The following PTPN6 variants were observed in gnomAD, a reference collection of about 807,000 sequenced individuals.
The protein encoded by PTPN6 is tyrosine-protein phosphatase non-receptor type 6.
A neutral mutation model predicts 81.5 loss-of-function variants in PTPN6; 18 were observed. The observed-to-expected ratio is 0.22, with a 90% CI of 0.15 to 0.33. The LOEUF is 0.33. Ranked by LOEUF, PTPN6 falls within the 10% of genes least tolerant of loss-of-function variation. PTPN6 has a pLI of 1.00. For missense variants in PTPN6, 500 were observed against 794.2 expected, an observed-to-expected ratio of 0.63 and a Z score of 4.45; for synonymous variants, 301 against 310.9, an observed-to-expected ratio of 0.97 and a Z score of 0.33.
chr12:6,956,676 C>T lies in PTPN6; in HGVS notation c.1074+108C>T, dbSNP rs782427893. 198 of 1,466,180 alleles carry T rather than the reference C, an allele frequency of 1.4e-4. No individual in the cohort carries two copies. The highest frequency in any genetic ancestry group is 2.0e-4 in the Admixed American group (11 of 55,114). 90.8% of individuals were successfully genotyped at this position (1,466,180 alleles called of 1,614,324 possible). ...GAAAGGGATCTCAGGGGTGAGGGTCCGGCCCTTGTTGGGAAACTGAGGGCT... is the reference window on the plus strand; with the variant it reads ...GAAAGGGATCTCAGGGGTGAGGGTCTGGCCCTTGTTGGGAAACTGAGGGCT... On this transcript the variant is annotated intron_variant, in intron 9 of 15. Coordinates refer to ENST00000318974, the MANE Select transcript of PTPN6 (RefSeq NM_002831.6). The surrounding 1 kb of genome is among the most constrained non-coding windows in gnomAD (Gnocchi z 4.1).
rs114826802 is a variant in PTPN6, at chr12:6,952,665, G to A, written c.326+488G>A. On this transcript the variant is annotated intron_variant, in intron 3 of 15. Coordinates refer to ENST00000318974, the MANE Select transcript of PTPN6 (RefSeq NM_002831.6). This position sits in a 1 kb window ranked among gnomAD's most constrained non-coding sequence, Gnocchi z 8.1. ...ATGCCTTGTCCCAGCCGCCCCGTGG[G>A]GATGGGTCTGTCCTGTGGGGTCAAA... 1.6e-5 allele frequency: 4 copies of A among 256,332 alleles called. No homozygotes were observed. Among genetic ancestry groups the A allele is most frequent in the Non-Finnish European group, 3.1e-5 (4 of 127,680 alleles). 15.9% of individuals were successfully genotyped at this position (256,332 alleles called of 1,614,324 possible). A position where few individuals can be genotyped will look rare whatever the true frequency, so the allele number is the denominator to read the frequency against.
At chr12:6,946,739 G>C, upstream of PTPN6, 2 of 1,612,090 alleles carry the variant, frequency 1.2e-6, no homozygotes, top group Non-Finnish European at 1.7e-6. Context: ...CTGTCCCGTG[G>C]GTAAGTCCCG....
In PTPN6 at chr12:6,954,002, C is replaced by T. The variant is rs1945975517; in HGVS notation, c.327-803C>T. ...AAGGAGTTTTGTGTTTTTTCCATCACGTGGTTTCCTGTGGGGCTGGGCTTT... is the reference window on the plus strand; with the variant it reads ...AAGGAGTTTTGTGTTTTTTCCATCATGTGGTTTCCTGTGGGGCTGGGCTTT... On this transcript the variant is annotated intron_variant, in intron 3 of 15. Coordinates refer to ENST00000318974, the MANE Select transcript of PTPN6 (RefSeq NM_002831.6). The surrounding 1 kb of genome is among the most constrained non-coding windows in gnomAD (Gnocchi z 5.4). Among the ~76,000 whole-genome samples the T allele has an allele frequency of 6.6e-6, 1 of 152,164 alleles. No homozygotes were observed. The highest frequency in any genetic ancestry group is 1.5e-5 in the Non-Finnish European group (1 of 68,022).
chr12:6,957,963 G>A lies in PTPN6; in HGVS notation c.1251G>A (p.Trp417Ter). ...TCTGGCATTACCAGTACCTGAGCTGGCCCGACCATGGGGTCCCCAGTGAGC... is the reference window on the plus strand; with the variant it reads ...TCTGGCATTACCAGTACCTGAGCTGACCCGACCATGGGGTCCCCAGTGAGC... ...REIWHYQYLS[W>*]PDHGVPSEPG... The change falls in exon 11 of 16, where the codon TGG becomes TGA. Residue 417 changes from tryptophan (W) to a stop codon, truncating the protein, a stop_gained. Transcript: ENST00000318974. LOFTEE classifies it high-confidence loss of function. This position sits in a 1 kb window ranked among gnomAD's most constrained non-coding sequence, Gnocchi z 6.5. 1 of 1,613,888 alleles carries A rather than the reference G, an allele frequency of 6.2e-7. No homozygotes were observed. The highest frequency in any genetic ancestry group is 8.5e-7 in the Non-Finnish European group (1 of 1,180,038).
rs199933225 is a variant in PTPN6, at chr12:6,956,488, G to A, written c.994G>A (p.Val332Ile). 8.1e-6 allele frequency: 13 copies of A among 1,614,100 alleles called. No homozygotes were observed. Among genetic ancestry groups the A allele is most frequent in the Admixed American group, 1.7e-5 (1 of 60,032 alleles). The change falls in exon 9 of 16, where the codon GTC becomes ATC. Residue 332 changes from valine to isoleucine, a missense_variant. Val to Ile is a conservative substitution (Grantham distance 29, BLOSUM62 3). Around this residue, in one of 6 missense-constraint regions of PTPN6, gnomAD observed 226 missense variants for 364.4 expected, o/e 0.62. Coordinates refer to ENST00000318974, the MANE Select transcript of PTPN6 (RefSeq NM_002831.6). This position sits in a 1 kb window ranked among gnomAD's most constrained non-coding sequence, Gnocchi z 4.1. ...IASQGCLEATVNDFWQMAWQE... is the reference protein window; with the variant it reads ...IASQGCLEATINDFWQMAWQE... ...CAGCCAGGGTTGTCTGGAGGCCACG[G>A]TCAATGACTTCTGGCAGATGGCGTG...
Position 6,957,539 on chromosome 12 carries a change from G to A in PTPN6, c.1075-115G>A, listed in dbSNP as rs142240608. 1,797 of 1,373,488 alleles carry A rather than the reference G, an allele frequency of 1.3e-3. 17 individuals are homozygous for A. In the African/African-American group the frequency reaches 0.019, roughly 15 times the overall value. 85.1% of individuals were successfully genotyped at this position (1,373,488 alleles called of 1,614,324 possible). On this transcript the variant is annotated intron_variant, in intron 9 of 15. Coordinates refer to ENST00000318974, the MANE Select transcript of PTPN6 (RefSeq NM_002831.6). This position sits in a 1 kb window ranked among gnomAD's most constrained non-coding sequence, Gnocchi z 6.5. The stretch of plus-strand genomic sequence containing the variant: ...CTCCTGCCTCTCTGCCAGCCCATCC[G>A]TCCATCCAACAAATGTTTGGGCCGG...
chr12:6,957,906 G>A lies in PTPN6; in HGVS notation c.1207-13G>A. 1.2e-6 allele frequency: 2 copies of A among 1,614,016 alleles called. No homozygotes were observed. Among genetic ancestry groups the A allele is most frequent in the Non-Finnish European group, 8.5e-7 (1 of 1,180,018 alleles). ...AGAGAGGAGGGGGCACTGACCCTAT[G>A]TCCTCGGCTTAGGGAGACCTGATTC... On this transcript the variant is annotated splice_polypyrimidine_tract_variant and intron_variant, in intron 10 of 15. Transcript: ENST00000318974. This position sits in a 1 kb window ranked among gnomAD's most constrained non-coding sequence, Gnocchi z 6.5.
chr12:6,952,699 C>T lies in PTPN6; in HGVS notation c.326+522C>T, dbSNP rs1565580372. 2 of 198,026 alleles carry T rather than the reference C, an allele frequency of 1.0e-5. No individual in the cohort carries two copies. Among genetic ancestry groups the T allele is most frequent in the South Asian group, 1.6e-4 (2 of 12,418 alleles). The allele number at this position is 198,026 out of a possible 1,614,324, so 12.3% of individuals were successfully genotyped here. A position where few individuals can be genotyped will look rare whatever the true frequency, so the allele number is the denominator to read the frequency against. ...TGTCCTGTGGGGTCAAATAGGTCTC[C>T]GGCCCAAACAGAGATCATTGAGAGC... On this transcript the variant is annotated intron_variant, in intron 3 of 15. Transcript: ENST00000318974. This position sits in a 1 kb window ranked among gnomAD's most constrained non-coding sequence, Gnocchi z 8.1.
Position 6,956,582 on chromosome 12 carries a change from C to A in PTPN6, c.1074+14C>A, listed in dbSNP as rs782721152. On this transcript the variant is annotated intron_variant, in intron 9 of 15. Transcript: ENST00000318974. This position sits in a 1 kb window ranked among gnomAD's most constrained non-coding sequence, Gnocchi z 4.1. Reference sequence around the variant, plus strand: ...GAGAAAGGCCGGGTAGGGCGCCCCCCCTTCCCCGCATCCGCCCCCGTGCTT... The same window carrying A: ...GAGAAAGGCCGGGTAGGGCGCCCCCACTTCCCCGCATCCGCCCCCGTGCTT... 25 of 1,611,180 alleles carry A rather than the reference C, an allele frequency of 1.6e-5. No individual in the cohort carries two copies. The highest frequency in any genetic ancestry group is 4.5e-5 in the East Asian group (2 of 44,876).
chr12:6,951,637 G>T lies in PTPN6; in HGVS notation c.37G>T (p.Asp13Tyr). The change falls in exon 2 of 16, where the codon GAT becomes TAT. Residue 13 changes from aspartate (D) to tyrosine (Y), a missense_variant. Asp to Tyr is a radical substitution (Grantham distance 160). Transcript: ENST00000318974. This position sits in a 1 kb window ranked among gnomAD's most constrained non-coding sequence, Gnocchi z 7.2. Reference sequence around the variant, plus strand: ...GTTTCACCGAGACCTCAGTGGGCTGGATGCAGAGACCCTGCTCAAGGGCCG... The same window carrying T: ...GTTTCACCGAGACCTCAGTGGGCTGTATGCAGAGACCCTGCTCAAGGGCCG... ...RWFHRDLSGL[D>Y]AETLLKGRGV... 1 of 1,613,732 alleles carries T rather than the reference G, an allele frequency of 6.2e-7. No individual in the cohort carries two copies. The highest frequency in any genetic ancestry group is 8.5e-7 in the Non-Finnish European group (1 of 1,179,934).
In PTPN6 at chr12:6,955,381, G is replaced by T; in HGVS notation, c.643G>T (p.Ala215Ser). The T allele has an allele frequency of 6.2e-7, 1 of 1,614,114 alleles. No individual in the cohort carries two copies. The highest frequency in any genetic ancestry group is 8.5e-7 in the Non-Finnish European group (1 of 1,179,986). ...AFVYLRQPYY[A>S]TRVNAADIEN... ...CTCTTCCCCACCCCAGCCGTACTAT[G>T]CCACGAGGGTGAATGCGGCTGACAT... Residue 215 changes from alanine to serine, a missense_variant, in exon 6 of 16, where the codon GCC becomes TCC. Physicochemically the swap from Ala to Ser is moderately conservative, Grantham distance 99. Around this residue, in one of 6 missense-constraint regions of PTPN6, gnomAD observed 96 missense variants for 137.3 expected, o/e 0.70. Transcript: ENST00000318974. This position sits in a 1 kb window ranked among gnomAD's most constrained non-coding sequence, Gnocchi z 7.2.
rs781863006 is a variant in PTPN6, at chr12:6,960,710, G to A, written c.1674-96G>A. ...ACCGTGGCTGCGTCACCTGTGAGAC[G>A]GGGTGGCCAGAGGGGACTGCCAGTG... On this transcript the variant is annotated intron_variant, in intron 14 of 15. Transcript: ENST00000318974. This position sits in a 1 kb window ranked among gnomAD's most constrained non-coding sequence, Gnocchi z 6.1. 1.0e-3 allele frequency: 1,605 copies of A among 1,551,548 alleles called. 30 individuals carry two copies. The South Asian group carries it at 0.017, about 17-fold the overall frequency.
chr12:6,956,896 C>T lies in PTPN6; in HGVS notation c.1074+328C>T, dbSNP rs1946041723. ...GTCTGCCCCTTACCCTGCAGGCTCCCCCTACACAGCACCCTCTGTGCTGCC... is the reference window on the plus strand; with the variant it reads ...GTCTGCCCCTTACCCTGCAGGCTCCTCCTACACAGCACCCTCTGTGCTGCC... On this transcript the variant is annotated intron_variant, in intron 9 of 15. Coordinates refer to ENST00000318974, the MANE Select transcript of PTPN6 (RefSeq NM_002831.6). The surrounding 1 kb of genome is among the most constrained non-coding windows in gnomAD (Gnocchi z 4.1). Among the ~76,000 whole-genome samples, 2 of 152,156 alleles carry T rather than the reference C, an allele frequency of 1.3e-5. No individual in the cohort carries two copies. Among genetic ancestry groups the T allele is most frequent in the South Asian group, 4.1e-4 (2 of 4,832 alleles).
upstream of PTPN6, chr12:6,946,779 GT>G (rs782672282): frequency 1.4e-5 from 22 of 1,590,792 alleles, no homozygotes; most frequent in Non-Finnish European, 1.9e-5. Flanking sequence ...TCTCCTGTTA[GT>G]TTTGGAGGGA....
At chr12:6,953,448 G>A (rs1565580739) in intron 3 of PTPN6, 1 of 152,292 alleles carries the variant, frequency 6.6e-6, no homozygotes, top group Non-Finnish European at 1.5e-5. Context: ...GGAGAAGAGA[G>A]AAGAGAGAGA....
At position 6,959,638 on chromosome 12, in the gene PTPN6, G is replaced by T; in HGVS notation, c.1362-289G>T. The stretch of plus-strand genomic sequence containing the variant: ...TTGGGGGTCCCAGGTCTTCCGGGGT[G>T]GGGGCAGCCACTCACTAGGAGTGAG... On this transcript the variant is annotated intron_variant, in intron 11 of 15. Coordinates refer to ENST00000318974, the MANE Select transcript of PTPN6 (RefSeq NM_002831.6). The surrounding 1 kb of genome is among the most constrained non-coding windows in gnomAD (Gnocchi z 6.6). The T allele has an allele frequency of 1.8e-6, 1 of 564,610 alleles. No individual in the cohort carries two copies. The highest frequency in any genetic ancestry group is 3.2e-6 in the Non-Finnish European group (1 of 314,194). 35.0% of individuals were successfully genotyped at this position (564,610 alleles called of 1,614,324 possible).
chr12:6,957,204 C>T lies in PTPN6; in HGVS notation c.1075-450C>T, dbSNP rs376308841. Among the ~76,000 whole-genome samples, 10 of 152,214 alleles carry T rather than the reference C, an allele frequency of 6.6e-5. No individual in the cohort carries two copies. In the East Asian group the frequency reaches 1.5e-3, roughly 23 times the overall value. On this transcript the variant is annotated intron_variant, in intron 9 of 15. Coordinates refer to ENST00000318974, the MANE Select transcript of PTPN6 (RefSeq NM_002831.6). The surrounding 1 kb of genome is among the most constrained non-coding windows in gnomAD (Gnocchi z 6.5). The stretch of plus-strand genomic sequence containing the variant: ...CTGGCAGATGCCTCGTTTTTGAAGA[C>T]ACAGCCGGAGCGCTGCCTCCTCTGT...
rs782244694 is a variant in PTPN6, at chr12:6,955,529, G to A, written c.747+44G>A. On this transcript the variant is annotated intron_variant, in intron 6 of 15. Transcript: ENST00000318974. This position sits in a 1 kb window ranked among gnomAD's most constrained non-coding sequence, Gnocchi z 7.2. ...CAGGGCTGGGGCAGCTGAGGTGGTGGCAGCGGCCTGGGGCCCCAGGCGGAC... is the reference window on the plus strand; with the variant it reads ...CAGGGCTGGGGCAGCTGAGGTGGTGACAGCGGCCTGGGGCCCCAGGCGGAC... 3.1e-6 allele frequency: 5 copies of A among 1,599,054 alleles called. No homozygotes were observed. The highest frequency in any genetic ancestry group is 4.3e-6 in the Non-Finnish European group (5 of 1,167,208).
chr12:6,955,189 C>G lies in PTPN6; in HGVS notation c.555C>G (p.Asp185Glu). 1.2e-6 allele frequency: 2 copies of G among 1,614,220 alleles called. No individual in the cohort carries two copies. Among genetic ancestry groups the G allele is most frequent in the Non-Finnish European group, 1.7e-6 (2 of 1,180,032 alleles). Reference sequence around the variant, plus strand: ...CAGTGGGTGGTTTGGAGACCTTCGACAGCCTCACGGACCTGGTGGAGCATT... The same window carrying G: ...CAGTGGGTGGTTTGGAGACCTTCGAGAGCCTCACGGACCTGGTGGAGCATT... ...RYTVGGLETF[D>E]SLTDLVEHFK... The change falls in exon 5 of 16, where the codon GAC becomes GAG. Residue 185 changes from aspartate to glutamate, a missense_variant. Asp to Glu is a conservative substitution (Grantham distance 45). Around this residue, in one of 6 missense-constraint regions of PTPN6, gnomAD observed 96 missense variants for 137.3 expected, o/e 0.70. Coordinates refer to ENST00000318974, the MANE Select transcript of PTPN6 (RefSeq NM_002831.6). The surrounding 1 kb of genome is among the most constrained non-coding windows in gnomAD (Gnocchi z 7.2).
Sources: allele counts gnomAD v4.1 joint callset (sites outside exome capture counted in the v4.1 genomes callset), GRCh38; gene constraint gnomAD v4.1.1; regional missense constraint gnomAD v4.1.1; non-coding constraint Gnocchi (gnomAD v3.1); transcripts MANE v1.5; gene names NCBI Gene and HGNC (gene_info 2026-07-23, HGNC 2026-07-21).